EIF3H: variants seen among roughly 807,000 people sequenced by gnomAD.
The protein encoded by EIF3H is eIF-3-gamma.
A neutral mutation model predicts 44.2 loss-of-function variants in EIF3H; 26 were observed. That is an observed-to-expected ratio of 0.59 (90% CI 0.43 to 0.82). The LOEUF (loss-of-function observed/expected upper bound fraction) is 0.82, where lower values mean the gene tolerates loss of function less well. Ranked by LOEUF, EIF3H falls within the 40% of genes least tolerant of loss-of-function variation. The pLI is 0.00. For missense variants in EIF3H, 359 were observed against 432.8 expected (o/e 0.83, Z 1.51); for synonymous variants, 166 against 151.9 (o/e 1.09, Z -0.68).
intron 1 of EIF3H, among the ~76,000 whole-genome samples, chr8:116,751,492 C>A (rs1002911511): frequency 1.6e-4 from 25 of 152,220 alleles, no homozygotes; most frequent in African/African-American, 5.5e-4. Context: ...TAGTTACAGG[C>A]TGTGGAAAAT....
Position 116,677,645 on chromosome 8 carries a change from G to A in EIF3H, c.290-18665C>T, listed in dbSNP as rs142178167. Among the ~76,000 whole-genome samples, 161 of 152,306 alleles carry A rather than the reference G, an allele frequency of 1.1e-3. 1 individual carries two copies. In the East Asian group the frequency reaches 0.03, roughly 28 times the overall value. On this transcript the variant is annotated intron_variant, in intron 2 of 7. Transcript: ENST00000521861. ...TACACTTCAATCAATAAACCTGACA[G>A]TTTCCATACTGCACGTAAGGTAGGT... is the stretch of plus-strand genomic sequence containing the variant.
At chr8:116,696,857 G>GA (rs1462291324) in intron 2 of EIF3H, among the ~76,000 whole-genome samples, 19 of 152,128 alleles carry the variant, frequency 1.2e-4, no homozygotes, top group African/African-American at 3.9e-4. Context: ...ATATGAGGCA[G>GA]AACAGCCCTG....
chr8:116,731,103 A>T (rs1050263413), intron 1 of EIF3H, among the ~76,000 whole-genome samples: 1 of 152,162 alleles, frequency 6.6e-6, no homozygotes, highest in Non-Finnish European at 1.5e-5. Flanking sequence ...TCAAAACAAA[A>T]ACACTCTCCT....
intron 1 of EIF3H, among the ~76,000 whole-genome samples, chr8:116,751,350 C>T (rs1815340460): frequency 6.6e-6 from 1 of 152,052 alleles, no homozygotes; most frequent in South Asian, 2.1e-4. Flanking sequence ...AAATGGAATA[C>T]ATACTCATTC....
chr8:116,707,953 C>G lies in EIF3H; in HGVS notation c.289+18063G>C, dbSNP rs560549010. ...TATGCCTTTGTCTGTTATATAAATT[C>G]ATGTTTCCTGATTCAGTCAGTCACG... On this transcript the variant is annotated intron_variant, in intron 2 of 7. Transcript: ENST00000521861. Among the ~76,000 whole-genome samples the G allele has an allele frequency of 1.3e-3, 205 of 152,210 alleles. 1 individual carries two copies. The highest frequency in any genetic ancestry group is 4.9e-3 in the African/African-American group (202 of 41,544).
intron 2 of EIF3H, chr8:116,689,195 T>C: frequency 2.5e-6 from 1 of 393,444 alleles, no homozygotes; most frequent in South Asian, 1.8e-5. Flanking sequence ...AAATATTGTA[T>C]AATTCCACTT....
intron 2 of EIF3H, among the ~76,000 whole-genome samples, chr8:116,691,782 G>C (rs1814179173): frequency 1.3e-5 from 2 of 149,112 alleles, no homozygotes; most frequent in African/African-American, 2.5e-5. Context: ...GGCTGAAGCA[G>C]AATTGCTTGA....
chr8:116,739,172 C>T (rs895055758), intron 1 of EIF3H, among the ~76,000 whole-genome samples: 3 of 152,340 alleles, frequency 2.0e-5, no homozygotes, highest in Admixed American at 6.5e-5. Context: ...ACAGCATGAG[C>T]GATCCGTGCC....
At chr8:116,667,590 CAGAA>C (rs1165507839) in intron 2 of EIF3H, among the ~76,000 whole-genome samples, 1 of 151,918 alleles carries the variant, frequency 6.6e-6, no homozygotes, top group African/African-American at 2.4e-5. Context: ...GTTTACAAAA[CAGAA>C]AGAGATCTAT....
chr8:116,733,681 T>C (rs963584909), intron 1 of EIF3H, among the ~76,000 whole-genome samples: 2 of 152,116 alleles, frequency 1.3e-5, no homozygotes, highest in African/African-American at 4.8e-5. Context: ...ATCTTATACA[T>C]TGATATCTGC....
At chr8:116,729,168 T>G (rs1330705502) in intron 1 of EIF3H, among the ~76,000 whole-genome samples, 1 of 152,088 alleles carries the variant, frequency 6.6e-6, no homozygotes, top group Non-Finnish European at 1.5e-5. Context: ...GAAATCAAAG[T>G]AAACAAGAGA....
intron 2 of EIF3H, among the ~76,000 whole-genome samples, chr8:116,718,929 AG>A: frequency 6.6e-6 from 1 of 151,918 alleles, no homozygotes; most frequent in Admixed American, 6.6e-5. Flanking sequence ...CCCCCAAAAA[AG>A]AAAAAGTTAG....
At chr8:116,712,908 C>G (rs1049337139) in intron 2 of EIF3H, among the ~76,000 whole-genome samples, 8 of 151,834 alleles carry the variant, frequency 5.3e-5, no homozygotes, top group African/African-American at 1.7e-4. Context: ...ATTGGGGGAA[C>G]GAAACTGAGT....
intron 1 of EIF3H, among the ~76,000 whole-genome samples, chr8:116,733,483 A>G (rs1814983989): frequency 6.6e-6 from 1 of 152,222 alleles, no homozygotes; most frequent in Non-Finnish European, 1.5e-5. Flanking sequence ...GTGATCAAAG[A>G]AAAAGCATTA....
At position 116,701,337 on chromosome 8, in the gene EIF3H, T is replaced by C. The variant is rs186823620; in HGVS notation, c.289+24679A>G. Among the ~76,000 whole-genome samples the C allele has an allele frequency of 2.9e-4, 44 of 152,274 alleles. 1 individual carries two copies. The highest frequency in any genetic ancestry group is 8.9e-4 in the African/African-American group (37 of 41,556). On this transcript the variant is annotated intron_variant, in intron 2 of 7. Coordinates refer to ENST00000521861, the MANE Select transcript of EIF3H (RefSeq NM_003756.3). ...CAGTGAGTATCCAGTCTAGCAGAAG[T>C]GAATAATAATTGATAAGATATAGTG...
intron 2 of EIF3H, among the ~76,000 whole-genome samples, chr8:116,661,150 A>C (rs1263004500): frequency 6.6e-6 from 1 of 152,230 alleles, no homozygotes; most frequent in Non-Finnish European, 1.5e-5. Flanking sequence ...AAATCAAAGT[A>C]AAATCACTGA....
intron 2 of EIF3H, among the ~76,000 whole-genome samples, chr8:116,698,255 T>G (rs139022490): frequency 6.6e-6 from 1 of 152,230 alleles, no homozygotes; most frequent in Non-Finnish European, 1.5e-5. Context: ...GATGGAATAC[T>G]CAAAGAAGTA....
chr8:116,643,958 C>T lies in EIF3H; in HGVS notation c.*1048G>A, dbSNP rs1586427522. 1 of 151,066 alleles carries T rather than the reference C, an allele frequency of 6.6e-6. No homozygotes were observed. Among genetic ancestry groups the T allele is most frequent in the Non-Finnish European group, 1.5e-5 (1 of 68,018 alleles). 9.4% of individuals were successfully genotyped at this position (151,066 alleles called of 1,614,324 possible). On this transcript the variant is annotated 3_prime_UTR_variant, in exon 8 of 8. Transcript: ENST00000521861. ...GTTTTTCCCAATGTACTACCATTCT[C>T]CTAATTCCTAATTCCTCATTCACAA...
At chr8:116,723,217 C>T (rs976836023) in intron 2 of EIF3H, among the ~76,000 whole-genome samples, 9 of 152,202 alleles carry the variant, frequency 5.9e-5, no homozygotes, top group Admixed American at 3.9e-4. Flanking sequence ...ACCTCTCAAG[C>T]TCCTCACTTG....
Sources: allele counts gnomAD v4.1 joint callset (sites outside exome capture counted in the v4.1 genomes callset), GRCh38; gene constraint gnomAD v4.1.1; transcripts MANE v1.5; gene names NCBI Gene and HGNC (gene_info 2026-07-23, HGNC 2026-07-21).